The following COL20A1 variants were observed in gnomAD, a reference collection of about 807,000 sequenced individuals.
The protein encoded by COL20A1 is collagen alpha-1(XX) chain.
A neutral mutation model predicts 152.9 loss-of-function variants in COL20A1; 164 were observed. That is an observed-to-expected ratio of 1.07 (90% confidence interval 0.94 to 1.22). The LOEUF is 1.22. Among genes scored for constraint, COL20A1 ranks in the 50% most tolerant of loss-of-function variants. The pLI, the probability that COL20A1 is intolerant of heterozygous loss-of-function variation, is 0.00. For missense variants in COL20A1, 1,873 were observed against 1,744.8 expected (o/e 1.07, Z -1.31); for synonymous variants, 864 against 756.0 (o/e 1.14, Z -2.34).
chr20:63,307,699 A>AGC, intron 6 of COL20A1, 51 bp downstream of exon 6: 12 of 1,575,436 alleles, frequency 7.6e-6, no homozygotes, highest in Non-Finnish European at 1.0e-5. Flanking sequence ...TGGTCCCCAC[A>AGC]GCTCTGCCAG....
At chr20:63,299,230 G>A (rs866487301) in intron 3 of COL20A1, among the ~76,000 whole-genome samples, 1 of 152,226 alleles carries the variant, frequency 6.6e-6, no homozygotes, top group Admixed American at 6.5e-5. Flanking sequence ...GTGTCCGTGC[G>A]CCTGTTCTGG....
chr20:63,326,890 G>A, intron 31 of COL20A1, 67 bp downstream of exon 31: 4 of 1,167,516 alleles, frequency 3.4e-6, no homozygotes, highest in East Asian at 3.1e-5. Context: ...AGCCCCACAT[G>A]CAACCACTCA....
At chr20:63,322,713 G>C (rs371516669) in intron 27 of COL20A1, among the ~76,000 whole-genome samples, 5 of 152,188 alleles carry the variant, frequency 3.3e-5, no homozygotes, top group Admixed American at 1.3e-4. Flanking sequence ...CCTAAACCAC[G>C]GTACTGCACA....
rs1452065650 is a variant in COL20A1 at position 63,333,491 on chromosome 20, C to T, written c.*2775C>T. 6.6e-6 allele frequency: 1 copy of T among 152,214 alleles called. No individual in the cohort carries two copies. Among genetic ancestry groups the T allele is most frequent in the Non-Finnish European group, 1.5e-5 (1 of 68,036 alleles). The allele number at this position is 152,214 out of a possible 1,614,324, so 9.4% of individuals were successfully genotyped here. A position where few individuals can be genotyped will look rare whatever the true frequency, so the allele number is the denominator to read the frequency against. ...GCCATGCGTATCTGACCTGCCCTCC[C>T]TAGGTCTGCAGGCAGTGCCGAGTGG... On this transcript the variant is annotated 3_prime_UTR_variant, in exon 36 of 36. Coordinates refer to ENST00000358894, the MANE Select transcript of COL20A1 (RefSeq NM_020882.4).
Position 63,310,437 on chromosome 20 carries a change from A to G in COL20A1, c.1320A>G (p.Thr440=), listed in dbSNP as rs774136853. The G allele has an allele frequency of 3.7e-6, 6 of 1,610,072 alleles. No homozygotes were observed. The highest frequency in any genetic ancestry group is 5.1e-6 in the Non-Finnish European group (6 of 1,178,904). ...STELHNLASR[T]EYLVSVFPIY... is the part of the protein sequence containing the mutation. ...AGCTGCACAACCTGGCCTCCCGCAC[A>G]GAGTACCTGGTCTCCGTGTTCCCCA... The change falls in exon 11 of 36, where the codon ACA becomes ACG. Residue 440 remains threonine (T), a synonymous_variant. Coordinates refer to ENST00000358894, the MANE Select transcript of COL20A1 (RefSeq NM_020882.4).
Position 63,297,990 on chromosome 20 carries a change from G to C in COL20A1, c.163G>C (p.Gly55Arg), listed in dbSNP as rs1480665941. The change falls in exon 3 of 36, where the codon GGC (glycine) becomes CGC (arginine). Residue 55 changes from glycine to arginine, a missense_variant. Physicochemically the swap from Gly to Arg is moderately radical, Grantham distance 125. Transcript: ENST00000358894. ...KWRESEGSGL[G>R]YLVQVKPMAG... ...GAGAGAGTCGGAGGGGAGCGGCCTCGGCTACCTGGTGCAGGTGAAGCCCAT... is the reference window on the plus strand; with the variant it reads ...GAGAGAGTCGGAGGGGAGCGGCCTCCGCTACCTGGTGCAGGTGAAGCCCAT... 6.2e-7 allele frequency: 1 copy of C among 1,612,460 alleles called. No homozygotes were observed. Among genetic ancestry groups the C allele is most frequent in the East Asian group, 2.2e-5 (1 of 44,878 alleles).
rs200834823 is a variant in COL20A1 at position 63,320,030 on chromosome 20, G to A, written c.2917-9G>A. 8.7e-4 allele frequency: 1,356 copies of A among 1,551,746 alleles called. 1 individual carries two copies. The highest frequency in any genetic ancestry group is 1.1e-3 in the Non-Finnish European group (1,250 of 1,148,358). ...TGGGCTGTGGAGAACCTCCCGTGCC[G>A]TCTCACAGGTGCACGTGGCTGTGGG... is the stretch of plus-strand genomic sequence containing the variant. On this transcript the variant is annotated splice_polypyrimidine_tract_variant and intron_variant, in intron 23 of 35. Transcript: ENST00000358894.
chr20:63,309,083 C>A (rs2067968688), intron 8 of COL20A1, among the ~76,000 whole-genome samples: 1 of 152,194 alleles, frequency 6.6e-6, no homozygotes, highest in Admixed American at 6.5e-5. Flanking sequence ...CTGGGACTCA[C>A]AGGCGAATCA....
In COL20A1 at chr20:63,319,245, G is replaced by A; in HGVS notation, c.2806+45G>A. Reference sequence around the variant, plus strand: ...GCCCCCAGCAGTCAGGAGGAGTAGGGGCAGGGAGGCCCCAGAGCCCTGGGA... The same window carrying A: ...GCCCCCAGCAGTCAGGAGGAGTAGGAGCAGGGAGGCCCCAGAGCCCTGGGA... On this transcript the variant is annotated intron_variant, in intron 22 of 35. Coordinates refer to ENST00000358894, the MANE Select transcript of COL20A1 (RefSeq NM_020882.4). The surrounding 1 kb of genome is among the most constrained non-coding windows in gnomAD (Gnocchi z 4.4). 3 of 1,588,896 alleles carry A rather than the reference G, an allele frequency of 1.9e-6. No individual in the cohort carries two copies. The highest frequency in any genetic ancestry group is 2.6e-6 in the Non-Finnish European group (3 of 1,166,390).
chr20:63,313,733 T>G lies in COL20A1; in HGVS notation c.2210-10T>G. On this transcript the variant is annotated splice_polypyrimidine_tract_variant and intron_variant, in intron 17 of 35. Coordinates refer to ENST00000358894, the MANE Select transcript of COL20A1 (RefSeq NM_020882.4). The surrounding 1 kb of genome is among the most constrained non-coding windows in gnomAD (Gnocchi z 5.9). ...GGCCTGAGCCCCACACAACCCATGC[T>G]CTCGGCCAGCCACGGTGAGCAGGAG... is the stretch of plus-strand genomic sequence containing the variant. 6.4e-7 allele frequency: 1 copy of G among 1,571,794 alleles called. No homozygotes were observed. Among genetic ancestry groups the G allele is most frequent in the Non-Finnish European group, 8.6e-7 (1 of 1,162,240 alleles).
At chr20:63,295,264 C>A (rs376987277) in intron 2 of COL20A1, 75 bp downstream of exon 2, 1 of 946,470 alleles carries the variant, frequency 1.1e-6, no homozygotes, top group South Asian at 1.5e-5. Flanking sequence ...CGGGACGAGC[C>A]CTCCGCCCCT....
rs2068041217 is a variant in COL20A1 at position 63,313,330 on chromosome 20, C to T, written c.2209+81C>T. The T allele has an allele frequency of 1.4e-6, 2 of 1,448,698 alleles. No homozygotes were observed. The highest frequency in any genetic ancestry group is 2.0e-5 in the Admixed American group (1 of 49,748). 89.7% of individuals were successfully genotyped at this position (1,448,698 alleles called of 1,614,324 possible). The stretch of plus-strand genomic sequence containing the variant: ...ATCCCTGACTCACCCGCTGCACAGG[C>T]CCAGGACCCTAGACTCCCAGAACTG... On this transcript the variant is annotated intron_variant, in intron 17 of 35. Coordinates refer to ENST00000358894, the MANE Select transcript of COL20A1 (RefSeq NM_020882.4). The surrounding 1 kb of genome is among the most constrained non-coding windows in gnomAD (Gnocchi z 5.9).
In COL20A1 at chr20:63,331,650, G is replaced by T. The variant is rs752889004; in HGVS notation, c.*934G>T. The T allele has an allele frequency of 6.6e-6, 1 of 152,236 alleles. No individual in the cohort carries two copies. Among genetic ancestry groups the T allele is most frequent in the Non-Finnish European group, 1.5e-5 (1 of 68,060 alleles). The allele number at this position is 152,236 out of a possible 1,614,324, so 9.4% of individuals were successfully genotyped here. On this transcript the variant is annotated 3_prime_UTR_variant, in exon 36 of 36. Transcript: ENST00000358894. ...CCTGGGCTTCTGGGCCTTGTGGCCCGTGGGGGTGATGTGGGAACTTCTACT... is the reference window on the plus strand; with the variant it reads ...CCTGGGCTTCTGGGCCTTGTGGCCCTTGGGGGTGATGTGGGAACTTCTACT...
Position 63,320,369 on chromosome 20 carries a change from G to A in COL20A1, c.3153+1G>A, listed in dbSNP as rs1276489116. 1 of 1,610,842 alleles carries A rather than the reference G, an allele frequency of 6.2e-7. No homozygotes were observed. The highest frequency in any genetic ancestry group is 1.1e-5 in the South Asian group (1 of 91,080). On this transcript the variant is annotated splice_donor_variant, in intron 25 of 35. Transcript: ENST00000358894. LOFTEE classifies it high-confidence loss of function. ...CCGGTGCTGTGAGCTCCCTGCCTCG[G>A]TGTGCCCCGTCCCTTGCCCCTGTTC...
chr20:63,299,288 G>A (rs545935684), intron 3 of COL20A1, among the ~76,000 whole-genome samples: 24 of 152,318 alleles, frequency 1.6e-4, no homozygotes, highest in Admixed American at 9.2e-4. Context: ...TAGTTTCAAC[G>A]TTAGTAGAAA....
intron 19 of COL20A1, among the ~76,000 whole-genome samples, chr20:63,314,535 C>A (rs1460099771): frequency 1.3e-5 from 2 of 152,182 alleles, no homozygotes; most frequent in South Asian, 2.1e-4. Context: ...TCCATCCCAA[C>A]CTTCCAGCTT....
chr20:63,307,901 G>C lies in COL20A1; in HGVS notation c.656-70G>C, dbSNP rs562873045. ...GAGGCACGTGCAGCTCTCAGGTGTGGCCTTGTGCCAAGCTCCCTGGGCATC... is the reference window on the plus strand; with the variant it reads ...GAGGCACGTGCAGCTCTCAGGTGTGCCCTTGTGCCAAGCTCCCTGGGCATC... On this transcript the variant is annotated intron_variant, in intron 6 of 35. Transcript: ENST00000358894. 1.6e-5 allele frequency: 25 copies of C among 1,572,588 alleles called. No individual in the cohort carries two copies. The African/African-American group carries it at 2.2e-4, about 14-fold the overall frequency.
At chr20:63,298,920 C>G (rs568339212) in intron 3 of COL20A1, among the ~76,000 whole-genome samples, 2 of 152,352 alleles carry the variant, frequency 1.3e-5, no homozygotes, top group African/African-American at 4.8e-5. Context: ...TCCCGGGTGC[C>G]CCGGTGCCCT....
intron 27 of COL20A1, 109 bp downstream of exon 27, chr20:63,322,220 C>T: frequency 1.1e-6 from 1 of 923,084 alleles, no homozygotes; most frequent in Admixed American, 3.8e-5. Flanking sequence ...CGCAGCTTCC[C>T]TAGGCAGGGT....
Sources: allele counts gnomAD v4.1 joint callset (sites outside exome capture counted in the v4.1 genomes callset), GRCh38; gene constraint gnomAD v4.1.1; non-coding constraint Gnocchi (gnomAD v3.1); transcripts MANE v1.5; gene names NCBI Gene and HGNC (gene_info 2026-07-23, HGNC 2026-07-21).